CACNA1E: variants seen among roughly 807,000 people sequenced by gnomAD.
The protein encoded by CACNA1E is voltage-dependent R-type calcium channel subunit alpha-1E.
A neutral mutation model predicts 259.2 loss-of-function variants in CACNA1E; 40 were observed. The observed-to-expected ratio is 0.15, with a 90% CI of 0.12 to 0.20. The LOEUF (loss-of-function observed/expected upper bound fraction) is 0.20. CACNA1E is among the 10% of genes least tolerant of loss of function. CACNA1E has a pLI of 1.00. For synonymous variants in CACNA1E, 1,104 were observed against 1,138.5 expected, an observed-to-expected ratio of 0.97 and a Z score of 0.61; for missense variants, 1,874 against 3,040.1, an observed-to-expected ratio of 0.62 and a Z score of 9.02.
At chr1:181,681,598 A>G (rs1204550974) in intron 7 of CACNA1E, among the ~76,000 whole-genome samples, 1 of 149,776 alleles carries the variant, frequency 6.7e-6, no homozygotes, top group Non-Finnish European at 1.5e-5. Context: ...TAATCATGTT[A>G]CTCCCTTATG....
chr1:181,454,408 A>G (rs1055976021), intron 2 of CACNA1E, among the ~76,000 whole-genome samples: 1 of 152,228 alleles, frequency 6.6e-6, no homozygotes, highest in Non-Finnish European at 1.5e-5. Flanking sequence ...TTTCAATATA[A>G]TCTACAATAG....
At chr1:181,670,262 C>T (rs548810434) in intron 7 of CACNA1E, among the ~76,000 whole-genome samples, 6 of 152,208 alleles carry the variant, frequency 3.9e-5, no homozygotes, top group South Asian at 2.1e-4. Flanking sequence ...CCAATTTCCC[C>T]GGCTGATAAT....
chr1:181,512,164 C>G (rs1666223211), intron 3 of CACNA1E, among the ~76,000 whole-genome samples: 1 of 152,222 alleles, frequency 6.6e-6, no homozygotes. Context: ...ATAAATCATT[C>G]TTTTGGAAAT....
intron 6 of CACNA1E, among the ~76,000 whole-genome samples, chr1:181,606,203 T>A (rs1654219790): frequency 6.6e-6 from 1 of 152,156 alleles, no homozygotes; most frequent in South Asian, 2.1e-4. Context: ...CAGACTCATA[T>A]CTAATCAGCT....
intron 22 of CACNA1E, 44 bp from the exon 23 acceptor site, chr1:181,737,481 C>T (rs574969746): frequency 4.1e-5 from 66 of 1,608,014 alleles, no homozygotes; most frequent in Middle Eastern, 3.3e-4. Flanking sequence ...AGGGCATGGG[C>T]GTGGTGGGGA....
At chr1:181,592,277 T>A (rs997451262) in intron 6 of CACNA1E, among the ~76,000 whole-genome samples, 1 of 152,144 alleles carries the variant, frequency 6.6e-6, no homozygotes. Context: ...CCCCTAGACA[T>A]GGCTAAGTAT....
intron 35 of CACNA1E, among the ~76,000 whole-genome samples, chr1:181,767,422 C>G (rs1558365920): frequency 1.3e-5 from 2 of 152,136 alleles, no homozygotes; most frequent in South Asian, 4.2e-4. Context: ...AACTTTCTGA[C>G]TTGGAGATAT....
chr1:181,769,603 A>AAAAT (rs146335032), intron 35 of CACNA1E, among the ~76,000 whole-genome samples: 1 of 151,828 alleles, frequency 6.6e-6, no homozygotes, highest in Admixed American at 6.6e-5. Context: ...TCTTAGATTC[A>AAAAT]AAATAAATAG....
chr1:181,796,692 C>A lies in CACNA1E; in HGVS notation c.6233C>A (p.Ser2078Ter). 1 of 1,605,198 alleles carries A rather than the reference C, an allele frequency of 6.2e-7. No homozygotes were observed. The highest frequency in any genetic ancestry group is 8.5e-7 in the Non-Finnish European group (1 of 1,174,004). ...GGCCACAAGTCTGACACTCACCGCT[C>A]AGGGGGCAGGGAGCGGGGACGATCA... ...DSGHKSDTHR[S>*]GGRERGRSKE... The change falls in exon 47 of 48, where the codon TCA (serine) becomes TAA (stop). Residue 2078 changes from serine (S) to a stop codon, truncating the protein, a stop_gained. Transcript: ENST00000367573. LOFTEE classifies it high-confidence loss of function.
intron 6 of CACNA1E, among the ~76,000 whole-genome samples, chr1:181,615,866 G>A (rs1408983778): frequency 6.6e-6 from 1 of 152,148 alleles, no homozygotes; most frequent in African/African-American, 2.4e-5. Context: ...GATCTTTGCT[G>A]TAGGTTTTTT....
intron 1 of CACNA1E, among the ~76,000 whole-genome samples, chr1:181,403,537 T>G (rs1459373920): frequency 6.6e-6 from 1 of 152,114 alleles, no homozygotes; most frequent in East Asian, 1.9e-4. Context: ...ACCAAGAATT[T>G]TATGCAAAAG....
intron 1 of CACNA1E, among the ~76,000 whole-genome samples, chr1:181,370,399 A>G (rs140433057): frequency 1.3e-5 from 2 of 151,730 alleles, no homozygotes; most frequent in African/African-American, 2.4e-5. Context: ...GGTAGTGAGC[A>G]TGGTACCTGA....
At chr1:181,526,584 G>GTT (rs1667376169) in intron 3 of CACNA1E, among the ~76,000 whole-genome samples, 2 of 152,042 alleles carry the variant, frequency 1.3e-5, no homozygotes. Context: ...TAGATTATTG[G>GTT]TTTTTCTATA....
intron 2 of CACNA1E, among the ~76,000 whole-genome samples, chr1:181,448,445 A>G (rs1281736200): frequency 6.6e-6 from 1 of 152,242 alleles, no homozygotes; most frequent in Non-Finnish European, 1.5e-5. Flanking sequence ...TCAGGTGGCT[A>G]AGATTCCAAA....
At position 181,720,347 on chromosome 1, in the gene CACNA1E, C is replaced by A; in HGVS notation, c.1883+10C>A. The A allele has an allele frequency of 6.2e-7, 1 of 1,610,144 alleles. No individual in the cohort carries two copies. ...AGTTATTTGGAGGCAGGTAAGTGCC[C>A]AGAAGCTTTCCATCCAAAGGAGGCT... On this transcript the variant is annotated intron_variant, in intron 14 of 47. Transcript: ENST00000367573.
intron 3 of CACNA1E, among the ~76,000 whole-genome samples, chr1:181,538,589 G>A (rs533887011): frequency 9.8e-5 from 15 of 152,304 alleles, no homozygotes; most frequent in African/African-American, 3.6e-4. Flanking sequence ...AGAAGCAATT[G>A]CAATACATCA....
intron 6 of CACNA1E, among the ~76,000 whole-genome samples, chr1:181,587,889 A>AAAG (rs1652242694): frequency 1.3e-5 from 2 of 152,190 alleles, no homozygotes; most frequent in Non-Finnish European, 1.5e-5. Context: ...TCTCAAGAAA[A>AAAG]AAAGAAAGAA....
At chr1:181,659,323 G>A (rs576559345) in intron 7 of CACNA1E, among the ~76,000 whole-genome samples, 77 of 152,236 alleles carry the variant, frequency 5.1e-4, no homozygotes, top group South Asian at 4.6e-3. Flanking sequence ...CATGTTTGTC[G>A]GCTCAGATTT....
rs78138596 is a variant in CACNA1E at position 181,677,714 on chromosome 1, T to C, written c.1055+26273T>C. On this transcript the variant is annotated intron_variant, in intron 7 of 47. Coordinates refer to ENST00000367573, the MANE Select transcript of CACNA1E (RefSeq NM_001205293.3). ...AGGCATTCTGGGCTGGAGATACCAC[T>C]GTGGTTTCTATCATGTAAGAGCAGT... 9.0e-3 allele frequency among the ~76,000 whole-genome samples: 1,368 copies of C among 152,292 alleles called. 16 individuals are homozygous for C. The highest frequency in any genetic ancestry group is 0.032 in the African/African-American group (1,317 of 41,550).
Sources: allele counts gnomAD v4.1 joint callset (sites outside exome capture counted in the v4.1 genomes callset), GRCh38; gene constraint gnomAD v4.1.1; transcripts MANE v1.5; gene names NCBI Gene and HGNC (gene_info 2026-07-23, HGNC 2026-07-21).